ORC2: variants seen among roughly 807,000 people sequenced by gnomAD.
The protein encoded by ORC2 is origin recognition complex subunit 2, also known as origin recognition complex protein 2 homolog.
A neutral mutation model predicts 77.7 loss-of-function variants in ORC2; 37 were observed. The observed-to-expected ratio is 0.48, with a 90% CI of 0.37 to 0.63. ORC2 has a LOEUF of 0.63. Ranked by LOEUF, ORC2 falls within the 20% of genes least tolerant of loss-of-function variation. ORC2 has a pLI of 0.00. For missense variants in ORC2, 557 were observed against 661.9 expected (o/e 0.84, Z 1.74); for synonymous variants, 201 against 229.5 (o/e 0.88, Z 1.12).
At chr2:200,936,948 C>A (rs1205773820) in intron 8 of ORC2, among the ~76,000 whole-genome samples, 1 of 150,306 alleles carries the variant, frequency 6.7e-6, no homozygotes, top group Non-Finnish European at 1.5e-5. Context: ...AGATATACTG[C>A]AGAGGATTAT....
rs2040515154 is a variant in ORC2, at chr2:200,909,378, A to G, written c.*1923T>C. The G allele has an allele frequency of 6.6e-6, 1 of 152,132 alleles. No individual in the cohort carries two copies. The highest frequency in any genetic ancestry group is 2.4e-5 in the African/African-American group (1 of 41,416). 9.4% of individuals were successfully genotyped at this position (152,132 alleles called of 1,614,324 possible). ...TTTTTTTAAATCACATTTATGTACAAATTTGTTTAAACATTTTGACTAGAG... is the reference window on the plus strand; with the variant it reads ...TTTTTTTAAATCACATTTATGTACAGATTTGTTTAAACATTTTGACTAGAG... On this transcript the variant is annotated 3_prime_UTR_variant, in exon 18 of 18. Coordinates refer to ENST00000234296, the MANE Select transcript of ORC2 (RefSeq NM_006190.5).
At chr2:200,914,757 T>A (rs554049141) in intron 15 of ORC2, among the ~76,000 whole-genome samples, 55 of 152,198 alleles carry the variant, frequency 3.6e-4, no homozygotes, top group Non-Finnish European at 5.3e-4. Context: ...AAAAATAAAA[T>A]ATGAAAGTAT....
At chr2:200,915,883 C>T (rs2040640577) in intron 15 of ORC2, among the ~76,000 whole-genome samples, 1 of 151,946 alleles carries the variant, frequency 6.6e-6, no homozygotes, top group South Asian at 2.1e-4. Flanking sequence ...TTAGTAGACA[C>T]AACGTTTTAC....
intron 11 of ORC2, among the ~76,000 whole-genome samples, chr2:200,927,769 C>T (rs1267787980): frequency 6.6e-6 from 1 of 151,316 alleles, no homozygotes; most frequent in East Asian, 2.0e-4. Flanking sequence ...ACCATCATAG[C>T]TCACTGCAAC....
intron 11 of ORC2, among the ~76,000 whole-genome samples, chr2:200,928,951 G>A (rs1401888294): frequency 1.3e-5 from 2 of 152,058 alleles, no homozygotes; most frequent in Non-Finnish European, 2.9e-5. Context: ...CTCATTCCAA[G>A]GAGAATGAGC....
intron 4 of ORC2, among the ~76,000 whole-genome samples, chr2:200,952,562 A>G (rs1316199011): frequency 2.0e-5 from 3 of 152,106 alleles, no homozygotes; most frequent in Admixed American, 6.6e-5. Flanking sequence ...CGCCCGGCCT[A>G]TATAATTTAT....
In ORC2 at chr2:200,957,519, C is replaced by T. The variant is rs201728758; in HGVS notation, c.120G>A (p.Ala40=). Residue 40 remains alanine (A), a synonymous_variant, in exon 4 of 18, where the codon GCG becomes GCA. Transcript: ENST00000234296. ...TTTTTTTGGGGTTGACCAAAAGCTGCGCTCGCTCCTTCTTCAATTTAGCTC... is the reference window on the plus strand; with the variant it reads ...TTTTTTTGGGGTTGACCAAAAGCTGTGCTCGCTCCTTCTTCAATTTAGCTC... The part of the protein sequence containing the change: ...EGGAKLKKER[A]QLLVNPKKII... 8.7e-6 allele frequency: 14 copies of T among 1,605,258 alleles called. No homozygotes were observed. Among genetic ancestry groups the T allele is most frequent in the East Asian group, 2.3e-5 (1 of 44,332 alleles).
At position 200,910,792 on chromosome 2, in the gene ORC2, TTTAAG is replaced by T. The variant is rs1387379219; in HGVS notation, c.*504_*508del. The T allele has an allele frequency of 1.3e-5, 2 of 153,502 alleles. No individual in the cohort carries two copies. The highest frequency in any genetic ancestry group is 6.4e-5 in the Admixed American group (1 of 15,510). 9.5% of individuals were successfully genotyped at this position (153,502 alleles called of 1,614,324 possible). ...ACTCACCTCTTCCCAATCTACACCT[TTTAAG>T]TTGTTTTAGAAACAATAAGAGATGA... On this transcript the variant is annotated 3_prime_UTR_variant, in exon 18 of 18. Coordinates refer to ENST00000234296, the MANE Select transcript of ORC2 (RefSeq NM_006190.5).
chr2:200,945,708 G>A (rs2041238313), intron 5 of ORC2, among the ~76,000 whole-genome samples: 1 of 151,978 alleles, frequency 6.6e-6, no homozygotes. Flanking sequence ...CTTTAGATTA[G>A]TCTATTATCT....
intron 9 of ORC2, among the ~76,000 whole-genome samples, chr2:200,935,220 T>A (rs940736366): frequency 6.6e-6 from 1 of 152,218 alleles, no homozygotes; most frequent in Non-Finnish European, 1.5e-5. Context: ...CCTCCTGGGT[T>A]CCAGCAATTC....
intron 4 of ORC2, among the ~76,000 whole-genome samples, chr2:200,951,665 T>C (rs543096318): frequency 5.1e-4 from 77 of 152,332 alleles, no homozygotes; most frequent in African/African-American, 1.7e-3. Context: ...TTTTCCTTGG[T>C]AATAAAGAAT....
In ORC2 at chr2:200,921,057, A is replaced by C; in HGVS notation, c.1230T>G (p.Gly410=). ...AAATGTTATGCAAAGATGACAACTG[A>C]CCAATGATTTGCTGGCTCTTCTCTC... ...LRGEKSQQII[G]QLSSLHNIYL... is the part of the protein sequence containing the mutation. Residue 410 remains glycine (G), a synonymous_variant, in exon 14 of 18, where the codon GGT becomes GGG. Coordinates refer to ENST00000234296, the MANE Select transcript of ORC2 (RefSeq NM_006190.5). The C allele has an allele frequency of 1.2e-6, 2 of 1,610,030 alleles. No individual in the cohort carries two copies. The highest frequency in any genetic ancestry group is 8.5e-7 in the Non-Finnish European group (1 of 1,177,262).
At chr2:200,912,756 T>C (rs2124923274) in intron 17 of ORC2, among the ~76,000 whole-genome samples, 1 of 152,322 alleles carries the variant, frequency 6.6e-6, no homozygotes. Context: ...CAGTGGTCTC[T>C]TCTGATATCT....
chr2:200,954,936 A>T (rs370452564), intron 4 of ORC2, among the ~76,000 whole-genome samples: 3 of 140,414 alleles, frequency 2.1e-5, no homozygotes, highest in African/African-American at 7.8e-5. Context: ...ATAAATAAAT[A>T]AATGGTATGG....
At chr2:200,950,099 G>A (rs2041324026) in intron 4 of ORC2, among the ~76,000 whole-genome samples, 1 of 152,194 alleles carries the variant, frequency 6.6e-6, no homozygotes, top group Non-Finnish European at 1.5e-5. Context: ...TTGGGAGGCT[G>A]AGCCAGGTGA....
At chr2:200,929,375 CTG>C (rs1346055623) in intron 11 of ORC2, among the ~76,000 whole-genome samples, 1 of 152,164 alleles carries the variant, frequency 6.6e-6, no homozygotes, top group Non-Finnish European at 1.5e-5. Context: ...AGGAACAAAA[CTG>C]TGGAAGATTA....
intron 5 of ORC2, among the ~76,000 whole-genome samples, chr2:200,948,459 CAAGT>C (rs1334876773): frequency 2.6e-5 from 4 of 152,266 alleles, no homozygotes; most frequent in East Asian, 3.9e-4. Context: ...GGTGGTAACT[CAAGT>C]AAGAAAAATG....
chr2:200,914,451 C>A (rs1350195634), intron 15 of ORC2, among the ~76,000 whole-genome samples: 1 of 152,144 alleles, frequency 6.6e-6, no homozygotes, highest in Non-Finnish European at 1.5e-5. Context: ...CAGGCGTGAG[C>A]CACTGTACCC....
At position 200,941,273 on chromosome 2, in the gene ORC2, G is replaced by A. The variant is rs942463707; in HGVS notation, c.428C>T (p.Ser143Phe). The change falls in exon 7 of 18, where the codon TCT becomes TTT. Residue 143 changes from serine (S) to phenylalanine (F), a missense_variant. Coordinates refer to ENST00000234296, the MANE Select transcript of ORC2 (RefSeq NM_006190.5). ...INVPQSSKGHSASDKVQPKNN... is the reference protein window; with the variant it reads ...INVPQSSKGHFASDKVQPKNN... The stretch of plus-strand genomic sequence containing the variant: ...CTTCGGTTGAACCTTGTCTGAAGCA[G>A]AATGGCCTAAAGAATGAAACAAAAA... 2 of 1,609,942 alleles carry A rather than the reference G, an allele frequency of 1.2e-6. No homozygotes were observed. Among genetic ancestry groups the A allele is most frequent in the East Asian group, 2.2e-5 (1 of 44,826 alleles).
Sources: gnomAD v4.1 joint callset for allele counts (sites outside exome capture counted in the v4.1 genomes callset) on GRCh38, gnomAD v4.1.1 for gene constraint, MANE v1.5 for transcripts, NCBI Gene and HGNC (gene_info 2026-07-23, HGNC 2026-07-21) for gene names.